HTRA3: variants seen among roughly 807,000 people sequenced by gnomAD.
HTRA3 encodes HtrA serine peptidase 3.
HTRA3 carries 41 observed loss-of-function variants against 43.2 expected under a neutral mutation model. The ratio of observed to expected loss-of-function variants is 0.95; its 90% confidence interval spans 0.74 to 1.23. The LOEUF is 1.23. Among genes scored for constraint, HTRA3 ranks in the 50% most tolerant of loss-of-function variants. The pLI is 0.00. For missense variants in HTRA3, 628 were observed against 647.1 expected (o/e 0.97, Z 0.32); for synonymous variants, 295 against 287.9 (o/e 1.02, Z -0.25).
intron 6 of HTRA3, among the ~76,000 whole-genome samples, chr4:8,294,640 C>T (rs1355675136): frequency 0.044 from 57 of 1,290 alleles, 2 homozygotes; most frequent in African/African-American, 0.16. Flanking sequence ...ATCCATCCAT[C>T]CATCCATCCA....
intron 2 of HTRA3, among the ~76,000 whole-genome samples, chr4:8,283,619 C>T (rs1712843813): frequency 6.6e-6 from 1 of 152,210 alleles, no homozygotes; most frequent in Non-Finnish European, 1.5e-5. Flanking sequence ...TGGGTGTGCA[C>T]AGAGCCGGCA....
chr4:8,292,304 G>A lies in HTRA3; in HGVS notation c.904-17G>A, dbSNP rs1161576911. The A allele has an allele frequency of 6.2e-7, 1 of 1,612,184 alleles. No individual in the cohort carries two copies. Among genetic ancestry groups the A allele is most frequent in the Non-Finnish European group, 8.5e-7 (1 of 1,179,256 alleles). On this transcript the variant is annotated splice_polypyrimidine_tract_variant and intron_variant, in intron 4 of 8. Coordinates refer to ENST00000307358, the MANE Select transcript of HTRA3 (RefSeq NM_053044.5). ...GGCGGGGTCAGGCACAGCTAATGCT[G>A]TTTCCTCCCCTTGCAGTACGGGAAC...
intron 2 of HTRA3, among the ~76,000 whole-genome samples, chr4:8,283,287 C>T (rs562199861): frequency 1.6e-4 from 24 of 152,136 alleles, no homozygotes; most frequent in African/African-American, 5.1e-4. Context: ...TGGTGTGTAC[C>T]GTGTGGCTTC....
At chr4:8,304,104 G>A (rs1713752573) in intron 7 of HTRA3, 80 bp from the exon 8 acceptor site, 3 of 1,126,110 alleles carry the variant, frequency 2.7e-6, no homozygotes, top group Non-Finnish European at 4.0e-6. Flanking sequence ...GTCTGGTGCT[G>A]GAGGGAGGGA....
rs769152533 is a variant in HTRA3 at position 8,294,087 on chromosome 4, G to T, written c.937G>T (p.Asp313Tyr). The T allele has an allele frequency of 1.2e-6, 2 of 1,605,720 alleles. No individual in the cohort carries two copies. The highest frequency in any genetic ancestry group is 1.3e-5 in the African/African-American group (1 of 74,618). The part of the protein sequence containing the change: ...GNSGGPLVNL[D>Y]GEVIGINTLK... ...TGCCTGCTCTTACCTCCCTGCCCAG[G>T]ATGGCGAGGTCATTGGCATCAACAC... Residue 313 changes from aspartate (D) to tyrosine (Y), a missense_variant and splice_region_variant, in exon 6 of 9, where the codon GAT becomes TAT. Physicochemically the swap from Asp to Tyr is radical, Grantham distance 160. Coordinates refer to ENST00000307358, the MANE Select transcript of HTRA3 (RefSeq NM_053044.5).
At chr4:8,304,894 G>A (rs1713782756) in intron 8 of HTRA3, among the ~76,000 whole-genome samples, 1 of 152,052 alleles carries the variant, frequency 6.6e-6, no homozygotes, top group East Asian at 1.9e-4. Flanking sequence ...GCTGACCTCA[G>A]GCGATCCACC....
Position 8,292,324 on chromosome 4 carries a change from G to T in HTRA3, c.907G>T (p.Gly303Trp). 1 of 1,613,114 alleles carries T rather than the reference G, an allele frequency of 6.2e-7. No homozygotes were observed. The highest frequency in any genetic ancestry group is 8.5e-7 in the Non-Finnish European group (1 of 1,179,604). ...YIQTDAIINYGNSGGPLVNLD... is the reference protein window; with the variant it reads ...YIQTDAIINYWNSGGPLVNLD... ...ATGCTGTTTCCTCCCCTTGCAGTAC[G>T]GGAACTCCGGGGGACCACTGGTGAA... The change falls in exon 5 of 9, where the codon GGG becomes TGG. Residue 303 changes from glycine to tryptophan, a missense_variant. Transcript: ENST00000307358.
At chr4:8,290,528 C>T (rs1181614926) in intron 3 of HTRA3, among the ~76,000 whole-genome samples, 1 of 152,242 alleles carries the variant, frequency 6.6e-6, no homozygotes, top group East Asian at 1.9e-4. Flanking sequence ...CGCCAGCTTC[C>T]CTCAACGGTG....
chr4:8,276,218 A>C (rs1401579815), intron 1 of HTRA3, among the ~76,000 whole-genome samples: 2 of 152,208 alleles, frequency 1.3e-5, no homozygotes, highest in Non-Finnish European at 2.9e-5. Context: ...CTCAGGGTGG[A>C]GTCCCAGCTC....
At position 8,286,547 on chromosome 4, in the gene HTRA3, C is replaced by T. The variant is rs1378767631; in HGVS notation, c.486-14C>T. 6.2e-7 allele frequency: 1 copy of T among 1,612,014 alleles called. No individual in the cohort carries two copies. On this transcript the variant is annotated splice_polypyrimidine_tract_variant and intron_variant, in intron 2 of 8. Coordinates refer to ENST00000307358, the MANE Select transcript of HTRA3 (RefSeq NM_053044.5). This position sits in a 1 kb window ranked among gnomAD's most constrained non-coding sequence, Gnocchi z 4.9. ...CCCCACCCTAAATGCCCGCCTGTGTCTCCCTGGCTGCAGACACCCGCTGTT... is the reference window on the plus strand; with the variant it reads ...CCCCACCCTAAATGCCCGCCTGTGTTTCCCTGGCTGCAGACACCCGCTGTT...
In HTRA3 at chr4:8,270,112, C is replaced by T; in HGVS notation, c.144C>T (p.Cys48=). ...CCGGCGGCTACGTGCCCGACCTCTG[C>T]AACTGCTGCCTGGTGTGCGCCGCCA... ...RCPGGYVPDL[C]NCCLVCAASE... The change falls in exon 1 of 9, where the codon TGC becomes TGT. Residue 48 remains cysteine, a synonymous_variant. Transcript: ENST00000307358. 1 of 1,543,898 alleles carries T rather than the reference C, an allele frequency of 6.5e-7. No individual in the cohort carries two copies. The highest frequency in any genetic ancestry group is 8.6e-7 in the Non-Finnish European group (1 of 1,157,004).
chr4:8,291,694 A>G, intron 4 of HTRA3, 130 bp downstream of exon 4: 2 of 676,306 alleles, frequency 3.0e-6, no homozygotes, highest in Non-Finnish European at 4.9e-6. Flanking sequence ...CACTTGCTAG[A>G]AAGTTCTCTC....
chr4:8,305,209 T>G (rs1352176589), intron 8 of HTRA3, among the ~76,000 whole-genome samples: 4 of 152,246 alleles, frequency 2.6e-5, no homozygotes, highest in African/African-American at 9.6e-5. Context: ...GACTGTACTG[T>G]GCATCCTCAG....
chr4:8,291,781 C>A (rs939357215), intron 4 of HTRA3, among the ~76,000 whole-genome samples: 1 of 152,266 alleles, frequency 6.6e-6, no homozygotes, highest in African/African-American at 2.4e-5. Flanking sequence ...AGGCTGCTGT[C>A]CTCGCTCGGG....
At chr4:8,302,626 C>T (rs1293880237) in intron 7 of HTRA3, 115 bp downstream of exon 7, 43 of 946,608 alleles carry the variant, frequency 4.5e-5, no homozygotes, top group Middle Eastern at 2.1e-4. Flanking sequence ...CCAGACGGGC[C>T]GATGCACTCA....
In HTRA3 at chr4:8,279,583, T is replaced by C. The variant is rs1712660933; in HGVS notation, c.386-2854T>C. ...TGGGGTCCAGAGAGCTTTCCGGCCC[T>C]GGGTGTTGGAGTGTCTGAGTCCAGG... On this transcript the variant is annotated intron_variant, in intron 1 of 8. Coordinates refer to ENST00000307358, the MANE Select transcript of HTRA3 (RefSeq NM_053044.5). This position sits in a 1 kb window ranked among gnomAD's most constrained non-coding sequence, Gnocchi z 7.4. Among the ~76,000 whole-genome samples, 1 of 152,238 alleles carries C rather than the reference T, an allele frequency of 6.6e-6. No homozygotes were observed. The highest frequency in any genetic ancestry group is 6.5e-5 in the Admixed American group (1 of 15,300).
At chr4:8,282,385 G>C (rs1030341649) in intron 1 of HTRA3, 52 bp from the exon 2 acceptor site, 1 of 1,407,568 alleles carries the variant, frequency 7.1e-7, no homozygotes, top group East Asian at 2.4e-5. Context: ...GCCTCTGGGA[G>C]CTGGCAGCAT....
At chr4:8,290,553 G>T (rs1224281331) in intron 3 of HTRA3, among the ~76,000 whole-genome samples, 1 of 152,246 alleles carries the variant, frequency 6.6e-6, no homozygotes, top group African/African-American at 2.4e-5. Context: ...CTTAGGTAAT[G>T]GGTGCAAAAC....
intron 1 of HTRA3, among the ~76,000 whole-genome samples, chr4:8,277,573 G>T (rs1268802841): frequency 6.6e-6 from 1 of 152,218 alleles, no homozygotes; most frequent in Non-Finnish European, 1.5e-5. Flanking sequence ...GGGCCCTGAG[G>T]AATGACAGGA....
Sources: allele counts gnomAD v4.1 joint callset (sites outside exome capture counted in the v4.1 genomes callset), GRCh38; gene constraint gnomAD v4.1.1; non-coding constraint Gnocchi (gnomAD v3.1); transcripts MANE v1.5; gene names NCBI Gene and HGNC (gene_info 2026-07-23, HGNC 2026-07-21).